Variants in THSD7A observed in about 807,000 individuals in gnomAD.
THSD7A encodes thrombospondin type 1 domain containing 7A.
A neutral mutation model predicts 231.3 loss-of-function variants in THSD7A; 96 were observed. That is an observed-to-expected ratio of 0.41 (90% CI 0.35 to 0.49). THSD7A has a LOEUF of 0.49. Among genes scored for constraint, THSD7A ranks in the 20% least tolerant of loss-of-function variants. The pLI is 0.05. For missense variants in THSD7A, 2,290 were observed against 2,070.2 expected, an observed-to-expected ratio of 1.11 and a Z score of -2.06; for synonymous variants, 940 against 743.3, an observed-to-expected ratio of 1.26 and a Z score of -4.30.
chr7:11,598,945 C>A (rs1382559400), intron 2 of THSD7A, among the ~76,000 whole-genome samples: 1 of 152,126 alleles, frequency 6.6e-6, no homozygotes, highest in Non-Finnish European at 1.5e-5. Flanking sequence ...CTACCTTTAA[C>A]TCAACAGGCT....
chr7:11,658,278 T>C (rs777209203), intron 1 of THSD7A, among the ~76,000 whole-genome samples: 105 of 151,902 alleles, frequency 6.9e-4, no homozygotes, highest in Middle Eastern at 3.4e-3. Context: ...AACTTTAACA[T>C]GATTTTCCTA....
chr7:11,445,628 T>C (rs149246645), intron 13 of THSD7A, among the ~76,000 whole-genome samples: 205 of 152,188 alleles, frequency 1.3e-3, no homozygotes, highest in African/African-American at 4.6e-3. Context: ...TGACATTTTG[T>C]GCATATTGCA....
At chr7:11,788,958 C>CATAA in intron 1 of THSD7A, among the ~76,000 whole-genome samples, 1 of 151,770 alleles carries the variant, frequency 6.6e-6, no homozygotes, top group South Asian at 2.1e-4. Context: ...GTTACATAAA[C>CATAA]AAGTGGGTGT....
intron 2 of THSD7A, among the ~76,000 whole-genome samples, chr7:11,630,464 G>T (rs977914268): frequency 6.6e-5 from 10 of 152,138 alleles, no homozygotes; most frequent in African/African-American, 2.4e-4. Context: ...TATTTCTAGA[G>T]GTTATTATAA....
intron 23 of THSD7A, among the ~76,000 whole-genome samples, chr7:11,391,029 T>C (rs987714473): frequency 3.3e-5 from 5 of 152,194 alleles, no homozygotes; most frequent in African/African-American, 9.6e-5. Context: ...GAAGTGTCTT[T>C]TGTCCCCTAC....
intron 1 of THSD7A, among the ~76,000 whole-genome samples, chr7:11,813,888 A>T (rs1382725167): frequency 6.6e-6 from 1 of 152,174 alleles, no homozygotes; most frequent in African/African-American, 2.4e-5. Context: ...CAATGTTCAT[A>T]GTAGCATGAT....
intron 1 of THSD7A, among the ~76,000 whole-genome samples, chr7:11,813,299 C>T (rs1200711037): frequency 6.6e-6 from 1 of 152,110 alleles, no homozygotes; most frequent in African/African-American, 2.4e-5. Context: ...AATTAGGTCC[C>T]CTAAAACACT....
In THSD7A at chr7:11,635,354, G is replaced by T. The variant is rs148599744; in HGVS notation, c.1022+776C>A. ...AGATAAGCCACTCCCAGATGGTCTG[G>T]TTTATCCAAGAGCAAAATTCAAAAT... is the stretch of plus-strand genomic sequence containing the variant. On this transcript the variant is annotated intron_variant, in intron 2 of 27. Transcript: ENST00000423059. Among the ~76,000 whole-genome samples, 106 of 152,270 alleles carry T rather than the reference G, an allele frequency of 7.0e-4. 1 individual carries two copies. The highest frequency in any genetic ancestry group is 2.4e-3 in the African/African-American group (99 of 41,564).
chr7:11,476,581 C>T (rs1352938081), intron 7 of THSD7A, among the ~76,000 whole-genome samples: 2 of 151,988 alleles, frequency 1.3e-5, no homozygotes, highest in South Asian at 2.1e-4. Context: ...CTTTAGGGGG[C>T]CAAGGTGGGC....
rs191222653 is a variant in THSD7A at position 11,566,114 on chromosome 7, G to A, written c.1454-22997C>T. 8.5e-5 allele frequency among the ~76,000 whole-genome samples: 13 copies of A among 152,170 alleles called. No homozygotes were observed. In the East Asian group the frequency reaches 1.5e-3, roughly 18 times the overall value. On this transcript the variant is annotated intron_variant, in intron 4 of 27. Transcript: ENST00000423059. ...GCATGTGTTTCTTAAAAACAAATACGAAAGGTCAAATGTTGCTGAGTGTCA... is the reference window on the plus strand; with the variant it reads ...GCATGTGTTTCTTAAAAACAAATACAAAAGGTCAAATGTTGCTGAGTGTCA...
intron 6 of THSD7A, among the ~76,000 whole-genome samples, chr7:11,488,316 G>T (rs1183493695): frequency 1.3e-5 from 2 of 151,966 alleles, no homozygotes; most frequent in African/African-American, 4.8e-5. Flanking sequence ...GTTTACAAAA[G>T]AATTAAAGAG....
At position 11,446,188 on chromosome 7, in the gene THSD7A, C is replaced by T. The variant is rs750469723; in HGVS notation, c.2937G>A (p.Val979=). The T allele has an allele frequency of 1.2e-6, 2 of 1,613,438 alleles. No homozygotes were observed. Among genetic ancestry groups the T allele is most frequent in the Non-Finnish European group, 1.7e-6 (2 of 1,179,660 alleles). Residue 979 remains valine, a synonymous_variant, in exon 13 of 28, where the codon GTG becomes GTA. Coordinates refer to ENST00000423059, the MANE Select transcript of THSD7A (RefSeq NM_015204.3). This position sits in a 1 kb window ranked among gnomAD's most constrained non-coding sequence, Gnocchi z 4.0. ...WSDCILPEGK[V]EVLLGMKVQG... ...GTACTTTCATTCCCAGCAACACTTC[C>T]ACTTTTCCCTCTGGTAAAATACAGT...
At chr7:11,704,574 T>C (rs757185354) in intron 1 of THSD7A, among the ~76,000 whole-genome samples, 4 of 150,878 alleles carry the variant, frequency 2.7e-5, no homozygotes, top group Admixed American at 6.6e-5. Context: ...GCAGTAGCTA[T>C]AGAAGTGTTT....
intron 1 of THSD7A, among the ~76,000 whole-genome samples, chr7:11,784,198 A>C (rs1431487136): frequency 6.6e-6 from 1 of 151,798 alleles, no homozygotes; most frequent in Non-Finnish European, 1.5e-5. Context: ...ATGCATATAT[A>C]TACGTGTGTG....
At chr7:11,436,333 T>C (rs897255513) in intron 13 of THSD7A, among the ~76,000 whole-genome samples, 1 of 152,110 alleles carries the variant, frequency 6.6e-6, no homozygotes, top group Admixed American at 6.6e-5. Flanking sequence ...AATCTAATAT[T>C]GCCATGAAAG....
At chr7:11,737,582 A>T (rs1429055846) in intron 1 of THSD7A, among the ~76,000 whole-genome samples, 1 of 152,036 alleles carries the variant, frequency 6.6e-6, no homozygotes, top group Admixed American at 6.6e-5. Context: ...GGAAACCTGA[A>T]ACAGTAGCAA....
chr7:11,744,689 G>A (rs10226967), intron 1 of THSD7A, among the ~76,000 whole-genome samples: 4,054 of 148,392 alleles, frequency 0.027, 196 homozygotes, highest in African/African-American at 0.096. Context: ...GAGAACATGC[G>A]GTGTTTGGTT....
intron 1 of THSD7A, among the ~76,000 whole-genome samples, chr7:11,798,273 C>T (rs951294185): frequency 1.3e-5 from 2 of 151,912 alleles, no homozygotes; most frequent in African/African-American, 4.8e-5. Flanking sequence ...AGTTCAAGAC[C>T]AGCCTGGCCA....
intron 1 of THSD7A, among the ~76,000 whole-genome samples, chr7:11,772,485 A>G (rs1783265176): frequency 6.6e-6 from 1 of 152,216 alleles, no homozygotes; most frequent in Admixed American, 6.5e-5. Flanking sequence ...ATGCCCATCA[A>G]CACTGGCTTG....
Sources: gnomAD v4.1 joint callset for allele counts (sites outside exome capture counted in the v4.1 genomes callset) on GRCh38, gnomAD v4.1.1 for gene constraint, Gnocchi (gnomAD v3.1) non-coding constraint, MANE v1.5 for transcripts, NCBI Gene and HGNC (gene_info 2026-07-23, HGNC 2026-07-21) for gene names.